Variants in RGL4 observed in about 807,000 individuals in gnomAD.
RGL4 encodes the protein ral-GDS-related protein.
Under a neutral mutation model 49.6 loss-of-function variants are expected in RGL4, and 41 were observed. The observed-to-expected ratio is 0.83, with a 90% CI of 0.64 to 1.07. RGL4 has a LOEUF of 1.07. Ranked by LOEUF, RGL4 falls within the 50% of genes least tolerant of loss-of-function variation. RGL4 has a pLI of 0.00. For synonymous variants in RGL4, 255 were observed against 238.0 expected (o/e 1.07, Z -0.66); for missense variants, 610 against 591.9 (o/e 1.03, Z -0.32).
In RGL4 at chr22:23,691,973, C is replaced by T. The variant is rs555926034; in HGVS notation, c.-58C>T. 3.2e-4 allele frequency: 504 copies of T among 1,573,968 alleles called. No individual in the cohort carries two copies. Among genetic ancestry groups the T allele is most frequent in the Non-Finnish European group, 4.0e-4 (467 of 1,153,636 alleles). The stretch of plus-strand genomic sequence containing the variant: ...CCAGCTCTCCCTGTCCTCCTCCCCC[C>T]GACATCTGCCCCTTCCCTCCTAACC... On this transcript the variant is annotated 5_prime_UTR_variant, in exon 1 of 11. Transcript: ENST00000290691.
Position 23,698,880 on chromosome 22 carries a change from G to T in RGL4, c.1419G>T (p.Pro473=). The change falls in exon 11 of 11, where the codon CCG becomes CCT. Residue 473 remains proline, a synonymous_variant. Transcript: ENST00000290691. ...CCTGCCAGCTGGAGCCCGAAAACCCGTAGGCTGGCAACATCCTGCAGTGGC... is the reference window on the plus strand; with the variant it reads ...CCTGCCAGCTGGAGCCCGAAAACCCTTAGGCTGGCAACATCCTGCAGTGGC... ...KLSCQLEPEN[P] 1 of 1,612,862 alleles carries T rather than the reference G, an allele frequency of 6.2e-7. No homozygotes were observed.
chr22:23,694,160 TG>T, intron 4 of RGL4, 186 bp downstream of exon 4: 4 of 713,514 alleles, frequency 5.6e-6, no homozygotes. Flanking sequence ...ACTTCCGACC[TG>T]GGGTCTTCCT....
rs1435458022 is a variant in RGL4 at position 23,698,538 on chromosome 22, T to C, written c.1382+205T>C. 7 of 731,372 alleles carry C rather than the reference T, an allele frequency of 9.6e-6. No individual in the cohort carries two copies. The South Asian group carries it at 1.0e-4, about 11-fold the overall frequency. The allele number at this position is 731,372 out of a possible 1,614,324, so 45.3% of individuals were successfully genotyped here. A position where few individuals can be genotyped will look rare whatever the true frequency, so the allele number is the denominator to read the frequency against. On this transcript the variant is annotated intron_variant, in intron 10 of 10. Coordinates refer to ENST00000290691, the MANE Select transcript of RGL4 (RefSeq NM_153615.2). ...ACCACCATGTCCGGTTGTTCTGCTG[T>C]TGTTGTTCTGGTACAGATGGGGTTT...
chr22:23,697,117 G>A (rs1601290630), intron 7 of RGL4, 54 bp from the exon 8 acceptor site: 2 of 1,381,018 alleles, frequency 1.4e-6, no homozygotes, highest in East Asian at 2.3e-5. Context: ...GGCACCTGAG[G>A]GCCAATACTC....
In RGL4 at chr22:23,694,435, G is replaced by A. The variant is rs768602381; in HGVS notation, c.1001G>A (p.Trp334Ter). 1.1e-5 allele frequency: 17 copies of A among 1,612,840 alleles called. No homozygotes were observed. The highest frequency in any genetic ancestry group is 1.4e-5 in the Non-Finnish European group (17 of 1,179,082). ...CCAATAGGTCAGCTACACAAGACGT[G>A]GGCAGGAGTGTCCAGGTGAGGAGGG... ...SNPIGQLHKT[W>*]AGVSSKSMKE... Residue 334 changes from tryptophan (W) to a stop codon, truncating the protein, a stop_gained, in exon 5 of 11, where the codon TGG becomes TAG. Transcript: ENST00000290691. LOFTEE classifies it high-confidence loss of function.
chr22:23,691,295 G>C lies in RGL4; in HGVS notation c.-736G>C, dbSNP rs1425396573. On this transcript the variant is annotated 5_prime_UTR_variant, in exon 1 of 11. Coordinates refer to ENST00000290691, the MANE Select transcript of RGL4 (RefSeq NM_153615.2). The stretch of plus-strand genomic sequence containing the variant: ...CAAGTCTGCGATGGCACTGGTAAAG[G>C]ATGTCTGAGATTCCTTCTGGCTGGT... 6.6e-6 allele frequency: 1 copy of C among 152,180 alleles called. No individual in the cohort carries two copies. The highest frequency in any genetic ancestry group is 1.5e-5 in the Non-Finnish European group (1 of 68,054). The allele number at this position is 152,180 out of a possible 1,614,324, so 9.4% of individuals were successfully genotyped here. A position where few individuals can be genotyped will look rare whatever the true frequency, so the allele number is the denominator to read the frequency against.
rs753579346 is a variant in RGL4 at position 23,691,991 on chromosome 22, T to C, written c.-40T>C. 6 of 1,602,110 alleles carry C rather than the reference T, an allele frequency of 3.7e-6. No homozygotes were observed. The highest frequency in any genetic ancestry group is 1.1e-5 in the South Asian group (1 of 89,950). ...CTCCCCCCGACATCTGCCCCTTCCCTCCTAACCCCAGGACCAGGGGACCCA... is the reference window on the plus strand; with the variant it reads ...CTCCCCCCGACATCTGCCCCTTCCCCCCTAACCCCAGGACCAGGGGACCCA... On this transcript the variant is annotated 5_prime_UTR_variant, in exon 1 of 11. Transcript: ENST00000290691.
rs1923228494 is a variant in RGL4, at chr22:23,692,848, G to C, written c.553G>C (p.Gly185Arg). 2 of 1,613,688 alleles carry C rather than the reference G, an allele frequency of 1.2e-6. No individual in the cohort carries two copies. Among genetic ancestry groups the C allele is most frequent in the East Asian group, 4.5e-5 (2 of 44,878 alleles). ...AGCACCAGGGGAAGGGCCCCCTCCA[G>C]GGACAGTGCTGGAGCCACAGTCAGC... ...APAPGEGPPP[G>R]TVLEPQSAPE... Residue 185 changes from glycine (G) to arginine (R), a missense_variant, in exon 3 of 11, where the codon GGG (glycine) becomes CGG (arginine). Physicochemically the swap from Gly to Arg is moderately radical, Grantham distance 125. Transcript: ENST00000290691.
chr22:23,691,742 T>G lies in RGL4; in HGVS notation c.-289T>G. The G allele has an allele frequency of 6.1e-6, 2 of 328,442 alleles. 1 individual carries two copies. The highest frequency in any genetic ancestry group is 1.1e-5 in the Non-Finnish European group (2 of 175,352). The allele number at this position is 328,442 out of a possible 1,614,324, so 20.3% of individuals were successfully genotyped here. On this transcript the variant is annotated 5_prime_UTR_variant, in exon 1 of 11. Coordinates refer to ENST00000290691, the MANE Select transcript of RGL4 (RefSeq NM_153615.2). ...CCCACAAAACATGGGGGAAAATATG[T>G]GGACTCTGGCTGGGGAGAGACTAAA...
At chr22:23,694,526 G>T in intron 5 of RGL4, 76 bp downstream of exon 5, 1 of 1,015,178 alleles carries the variant, frequency 9.9e-7, no homozygotes, top group South Asian at 1.3e-5. Context: ...TGCCCTCAAT[G>T]ACTCTGAAAG....
intron 3 of RGL4, 82 bp from the exon 4 acceptor site, chr22:23,693,677 T>G: frequency 6.6e-5 from 74 of 1,122,792 alleles, no homozygotes; most frequent in Non-Finnish European, 9.4e-5. Context: ...TGGATGACTG[T>G]GAGCTCAGTC....
At chr22:23,697,972 G>C (rs1923621440) in intron 9 of RGL4, 111 bp downstream of exon 9, 2 of 1,360,778 alleles carry the variant, frequency 1.5e-6, no homozygotes, top group Non-Finnish European at 2.1e-6. Flanking sequence ...CTTACTGGGA[G>C]TGTTTGACAC....
chr22:23,691,856 T>C lies in RGL4; in HGVS notation c.-175T>C. On this transcript the variant is annotated 5_prime_UTR_variant, in exon 1 of 11. Coordinates refer to ENST00000290691, the MANE Select transcript of RGL4 (RefSeq NM_153615.2). ...CACAAGAGGCAAATAGTGAGTTCTG[T>C]AAATGGAGACTTAGGTCCCCTGCAA... 2 of 601,340 alleles carry C rather than the reference T, an allele frequency of 3.3e-6. No homozygotes were observed. Among genetic ancestry groups the C allele is most frequent in the East Asian group, 5.6e-5 (2 of 35,968 alleles). 37.3% of individuals were successfully genotyped at this position (601,340 alleles called of 1,614,324 possible). A position where few individuals can be genotyped will look rare whatever the true frequency, so the allele number is the denominator to read the frequency against.
At chr22:23,698,537 G>A in intron 10 of RGL4, 1 of 732,232 alleles carries the variant, frequency 1.4e-6, no homozygotes, top group Non-Finnish European at 2.4e-6. Context: ...TTGTTCTGCT[G>A]TTGTTGTTCT....
rs137903597 is a variant in RGL4, at chr22:23,697,314, C to A, written c.1236+69C>A. On this transcript the variant is annotated intron_variant, in intron 8 of 10. Coordinates refer to ENST00000290691, the MANE Select transcript of RGL4 (RefSeq NM_153615.2). ...AGCTTGGGAGGAGAGGGTCCTGGACCGAGCCTTTAGATCTCAGCCCTTGGC... is the reference window on the plus strand; with the variant it reads ...AGCTTGGGAGGAGAGGGTCCTGGACAGAGCCTTTAGATCTCAGCCCTTGGC... The A allele has an allele frequency of 3.1e-6, 4 of 1,307,014 alleles. No individual in the cohort carries two copies. The Admixed American group carries it at 5.5e-5, about 18-fold the overall frequency. 81.0% of individuals were successfully genotyped at this position (1,307,014 alleles called of 1,614,324 possible). A position where few individuals can be genotyped will look rare whatever the true frequency, so the allele number is the denominator to read the frequency against.
chr22:23,697,579 C>G (rs1923590508), intron 8 of RGL4, among the ~76,000 whole-genome samples: 1 of 152,064 alleles, frequency 6.6e-6, no homozygotes. Context: ...GCAGGCAGTT[C>G]CAAGGTCACT....
At position 23,692,937 on chromosome 22, in the gene RGL4, C is replaced by A. The variant is rs1453641145; in HGVS notation, c.642C>A (p.Asp214Glu). The A allele has an allele frequency of 6.2e-7, 1 of 1,612,986 alleles. No homozygotes were observed. The highest frequency in any genetic ancestry group is 1.3e-5 in the African/African-American group (1 of 75,068). The change falls in exon 3 of 11, where the codon GAC becomes GAA. Residue 214 changes from aspartate to glutamate, a missense_variant. By Grantham distance (45) the Asp-to-Glu change is conservative (BLOSUM62 2). Transcript: ENST00000290691. ...VKNQPSEELP[D>E]MTTFPPRLLA... is the part of the protein sequence containing the mutation. ...ACCAACCCAGTGAGGAGCTGCCTGA[C>A]ATGACGACCTTCCCTCCCAGGCTGC...
chr22:23,693,845 C>T lies in RGL4; in HGVS notation c.783C>T (p.Pro261=), dbSNP rs1923307923. 2 of 1,613,874 alleles carry T rather than the reference C, an allele frequency of 1.2e-6. No homozygotes were observed. Among genetic ancestry groups the T allele is most frequent in the Non-Finnish European group, 1.7e-6 (2 of 1,179,976 alleles). The change falls in exon 4 of 11, where the codon CCC becomes CCT. Residue 261 remains proline (P), a synonymous_variant. Coordinates refer to ENST00000290691, the MANE Select transcript of RGL4 (RefSeq NM_153615.2). ...TGAAGGGGAATGAGCACATGGCACC[C>T]ACAGTTCGTGCCACCATCGCACACT... The part of the protein sequence containing the change: ...GHLKGNEHMA[P]TVRATIAHFN...
intron 3 of RGL4, among the ~76,000 whole-genome samples, chr22:23,693,537 C>T (rs2123856571): frequency 6.6e-6 from 1 of 152,260 alleles, no homozygotes; most frequent in East Asian, 1.9e-4. Context: ...TCTCTTCCCA[C>T]CCTTGTTGGG....
Sources: allele counts gnomAD v4.1 joint callset (sites outside exome capture counted in the v4.1 genomes callset), GRCh38; gene constraint gnomAD v4.1.1; transcripts MANE v1.5; gene names NCBI Gene and HGNC (gene_info 2026-07-23, HGNC 2026-07-21).